The following VTI1A variants were observed in gnomAD, a reference collection of about 807,000 sequenced individuals.
The protein encoded by VTI1A is vesicle transport through interaction with t-SNAREs homolog 1A.
Under a neutral mutation model 34.9 loss-of-function variants are expected in VTI1A, and 22 were observed. The observed-to-expected ratio is 0.63, with a 90% confidence interval of 0.45 to 0.90. The LOEUF (loss-of-function observed/expected upper bound fraction) is 0.90, where lower values mean the gene tolerates loss of function less well. Ranked by LOEUF, VTI1A falls within the 40% of genes least tolerant of loss-of-function variation. The probability of loss-of-function intolerance (pLI) is 0.00; values close to 1 mark genes in which losing one functional copy is unlikely to be tolerated. For missense variants in VTI1A, 268 were observed against 275.6 expected (o/e 0.97, Z 0.20); for synonymous variants, 87 against 97.3 (o/e 0.89, Z 0.62).
chr10:112,757,542 G>A (rs1036352989), intron 7 of VTI1A, among the ~76,000 whole-genome samples: 10 of 143,888 alleles, frequency 6.9e-5, no homozygotes, highest in East Asian at 2.1e-4. Context: ...GGGCCACCAC[G>A]CCAGACTAAT....
chr10:112,828,440 C>A, the VTI1A span, among the ~76,000 whole-genome samples: 1 of 152,036 alleles, frequency 6.6e-6, no homozygotes, highest in Non-Finnish European at 1.5e-5. Flanking sequence ...GAGTCTCGCT[C>A]TGTTGCCCTG....
the VTI1A span, chr10:112,832,595 C>G: frequency 6.6e-6 from 1 of 152,248 alleles, no homozygotes; most frequent in Non-Finnish European, 1.5e-5. Context: ...GTGAATATTT[C>G]AAAGCTGAGG....
At chr10:112,508,590 A>G (rs1478218836) in intron 3 of VTI1A, among the ~76,000 whole-genome samples, 2 of 152,164 alleles carry the variant, frequency 1.3e-5, no homozygotes, top group Non-Finnish European at 2.9e-5. Flanking sequence ...CCAAGTATGC[A>G]TTTTTATTTC....
intron 3 of VTI1A, among the ~76,000 whole-genome samples, chr10:112,524,161 C>A (rs538297118): frequency 1.1e-4 from 16 of 151,978 alleles, no homozygotes; most frequent in African/African-American, 3.9e-4. Context: ...TAATGATGAT[C>A]TTGCAGGCTA....
At chr10:112,702,505 C>T (rs1041457153) in intron 7 of VTI1A, among the ~76,000 whole-genome samples, 2 of 151,060 alleles carry the variant, frequency 1.3e-5, no homozygotes, top group African/African-American at 4.9e-5. Flanking sequence ...CTGAAACCTC[C>T]ACCTCCCAAG....
At chr10:112,850,161 A>G in the VTI1A span, among the ~76,000 whole-genome samples, 1 of 152,290 alleles carries the variant, frequency 6.6e-6, no homozygotes, top group East Asian at 1.9e-4. Flanking sequence ...AGAACATTTC[A>G]AAGCTCTCTG....
At chr10:112,697,433 C>A (rs1293375946) in intron 7 of VTI1A, among the ~76,000 whole-genome samples, 2 of 126,502 alleles carry the variant, frequency 1.6e-5, no homozygotes, top group Admixed American at 1.8e-4. Context: ...GTGTTTAGCT[C>A]TTGTTGCCCA....
intron 7 of VTI1A, among the ~76,000 whole-genome samples, chr10:112,798,703 A>T (rs923674928): frequency 8.5e-5 from 13 of 152,166 alleles, no homozygotes; most frequent in Admixed American, 7.9e-4. Context: ...CTGGGTTCTC[A>T]TATGTTTACT....
chr10:112,632,287 C>T (rs112964104), intron 5 of VTI1A, among the ~76,000 whole-genome samples: 88 of 152,264 alleles, frequency 5.8e-4, no homozygotes, highest in Non-Finnish European at 1.1e-3. Flanking sequence ...ATTATCTGAA[C>T]GTAGTTTTCC....
intron 3 of VTI1A, among the ~76,000 whole-genome samples, chr10:112,480,326 C>T (rs1848420133): frequency 6.6e-6 from 1 of 152,126 alleles, no homozygotes; most frequent in African/African-American, 2.4e-5. Flanking sequence ...TGGTTCTTAA[C>T]AATTTTTTGT....
intron 7 of VTI1A, among the ~76,000 whole-genome samples, chr10:112,759,699 C>G (rs962975741): frequency 6.6e-6 from 1 of 152,170 alleles, no homozygotes; most frequent in East Asian, 1.9e-4. Flanking sequence ...GTTCAAGAAG[C>G]AGATTCAAAG....
At chr10:112,548,467 T>C (rs545274567) in intron 5 of VTI1A, among the ~76,000 whole-genome samples, 2 of 152,310 alleles carry the variant, frequency 1.3e-5, no homozygotes, top group South Asian at 4.1e-4. Flanking sequence ...CTCCTTTCCT[T>C]CTGAAGGTTT....
At chr10:112,762,725 A>C (rs1851511636) in intron 7 of VTI1A, among the ~76,000 whole-genome samples, 1 of 152,280 alleles carries the variant, frequency 6.6e-6, no homozygotes, top group South Asian at 2.1e-4. Context: ...GTTGAATATG[A>C]GGCTATCACC....
chr10:112,466,695 T>C (rs1334042823), intron 3 of VTI1A, among the ~76,000 whole-genome samples: 1 of 152,234 alleles, frequency 6.6e-6, no homozygotes, highest in African/African-American at 2.4e-5. Flanking sequence ...ACCTCATTTT[T>C]AATGGAACTC....
chr10:112,666,076 T>G (rs1309562560), intron 5 of VTI1A, among the ~76,000 whole-genome samples: 1 of 152,190 alleles, frequency 6.6e-6, no homozygotes, highest in Non-Finnish European at 1.5e-5. Flanking sequence ...AATAACAGTA[T>G]GACAAATTTG....
chr10:112,511,214 A>G (rs1224322705), intron 3 of VTI1A, among the ~76,000 whole-genome samples: 1 of 151,010 alleles, frequency 6.6e-6, no homozygotes, highest in Non-Finnish European at 1.5e-5. Flanking sequence ...TTATTTATTT[A>G]ATCTGTACAA....
At chr10:112,544,788 C>T (rs1851013568) in intron 5 of VTI1A, among the ~76,000 whole-genome samples, 1 of 152,104 alleles carries the variant, frequency 6.6e-6, no homozygotes, top group African/African-American at 2.4e-5. Flanking sequence ...CACAAAGGCT[C>T]TGGAATGAGA....
At chr10:112,752,312 T>G in intron 7 of VTI1A, 1 of 961,206 alleles carries the variant, frequency 1.0e-6, no homozygotes, top group Non-Finnish European at 1.2e-6. Context: ...GTTGTCATAC[T>G]GATTCCATTT....
At chr10:112,524,382 C>T (rs1850143391) in intron 3 of VTI1A, among the ~76,000 whole-genome samples, 1 of 151,982 alleles carries the variant, frequency 6.6e-6, no homozygotes, top group Admixed American at 6.6e-5. Flanking sequence ...TGAAATGAGT[C>T]GTCTTTTCAT....
Sources: gnomAD v4.1 joint callset for allele counts (sites outside exome capture counted in the v4.1 genomes callset) on GRCh38, gnomAD v4.1.1 for gene constraint, MANE v1.5 for transcripts, NCBI Gene and HGNC (gene_info 2026-07-23, HGNC 2026-07-21) for gene names.